The following AGTPBP1 variants were observed in gnomAD, a reference collection of about 807,000 sequenced individuals.
AGTPBP1 encodes ATP/GTP binding carboxypeptidase 1, also known as cytosolic carboxypeptidase 1.
A neutral mutation model predicts 143.9 loss-of-function variants in AGTPBP1; 70 were observed. That is an observed-to-expected ratio of 0.49 (90% CI 0.40 to 0.59). The LOEUF (loss-of-function observed/expected upper bound fraction) is 0.59, where lower values mean the gene tolerates loss of function less well. AGTPBP1 is among the 20% of genes least tolerant of loss of function. AGTPBP1 has a pLI of 0.00. For synonymous variants in AGTPBP1, 463 were observed against 500.2 expected, an observed-to-expected ratio of 0.93 and a Z score of 0.99; for missense variants, 1,229 against 1,464.5, an observed-to-expected ratio of 0.84 and a Z score of 2.62.
At chr9:85,782,672 A>G in the AGTPBP1 span, among the ~76,000 whole-genome samples, 2 of 152,210 alleles carry the variant, frequency 1.3e-5, no homozygotes, top group Non-Finnish European at 2.9e-5. Context: ...TGACTTAAGG[A>G]CAGAACAGTA....
At chr9:85,621,685 A>AT (rs2133561317) in intron 14 of AGTPBP1, among the ~76,000 whole-genome samples, 1 of 152,294 alleles carries the variant, frequency 6.6e-6, no homozygotes, top group South Asian at 2.1e-4. Flanking sequence ...TATAAGAATA[A>AT]TTTTTTTAAA....
intron 25 of AGTPBP1, among the ~76,000 whole-genome samples, chr9:85,573,716 C>G (rs908309220): frequency 3.3e-5 from 5 of 151,876 alleles, no homozygotes; most frequent in Non-Finnish European, 7.4e-5. Context: ...TCTGCCCGGC[C>G]GCCCATCATC....
intron 10 of AGTPBP1, among the ~76,000 whole-genome samples, chr9:85,656,274 G>A (rs1833505403): frequency 6.6e-6 from 1 of 152,144 alleles, no homozygotes; most frequent in Non-Finnish European, 1.5e-5. Context: ...CACTGTAAAA[G>A]TTTCCATATA....
chr9:85,573,820 T>C (rs1222490346), intron 25 of AGTPBP1, among the ~76,000 whole-genome samples: 2 of 142,688 alleles, frequency 1.4e-5, no homozygotes, highest in East Asian at 4.2e-4. Flanking sequence ...GTGAGGAGCG[T>C]CTCTGCCCGG....
At chr9:85,639,427 T>C (rs919539125) in intron 13 of AGTPBP1, among the ~76,000 whole-genome samples, 2 of 151,390 alleles carry the variant, frequency 1.3e-5, no homozygotes, top group African/African-American at 2.4e-5. Flanking sequence ...TGAAAATTAC[T>C]GGACATCTCC....
intron 25 of AGTPBP1, among the ~76,000 whole-genome samples, chr9:85,558,243 C>T (rs549357350): frequency 5.7e-4 from 87 of 152,308 alleles, no homozygotes; most frequent in African/African-American, 2.0e-3. Flanking sequence ...ATGAAGGTCA[C>T]ATATTGTATG....
chr9:85,749,454 C>G, the AGTPBP1 span, among the ~76,000 whole-genome samples: 199 of 152,142 alleles, frequency 1.3e-3, 1 homozygote, highest in African/African-American at 4.0e-3. Context: ...GCTTACAGTC[C>G]TAAAGGATAT....
chr9:85,723,288 T>C (rs62570611), intron 1 of AGTPBP1, among the ~76,000 whole-genome samples: 2,254 of 152,320 alleles, frequency 0.015, 24 homozygotes, highest in Middle Eastern at 0.037. Flanking sequence ...AGAAGTGGAA[T>C]CTAGAAAGGC....
At chr9:85,642,669 A>G (rs765099880) in intron 13 of AGTPBP1, among the ~76,000 whole-genome samples, 158 bp downstream of exon 13, 37 of 152,284 alleles carry the variant, frequency 2.4e-4, no homozygotes, top group Admixed American at 4.6e-4. Context: ...ACTGCAGCTC[A>G]GGATATTGAC....
chr9:85,789,337 A>G, the AGTPBP1 span, among the ~76,000 whole-genome samples: 1 of 152,192 alleles, frequency 6.6e-6, no homozygotes, highest in Non-Finnish European at 1.5e-5. Flanking sequence ...ATTTTTTTAC[A>G]TATACTAAAT....
upstream of AGTPBP1, chr9:85,742,148 G>A (rs993999167): frequency 7.1e-6 from 5 of 707,018 alleles, no homozygotes; most frequent in Non-Finnish European, 9.3e-6. Context: ...CGCGCCTGAC[G>A]GGAGGGAGCG....
chr9:85,601,803 T>A (rs1395597124), intron 17 of AGTPBP1, among the ~76,000 whole-genome samples: 1 of 152,208 alleles, frequency 6.6e-6, no homozygotes. Context: ...ATCTTTGGCC[T>A]GCTGTTGCCA....
At chr9:85,607,234 G>C (rs1236644660) in intron 17 of AGTPBP1, among the ~76,000 whole-genome samples, 1 of 152,016 alleles carries the variant, frequency 6.6e-6, no homozygotes, top group African/African-American at 2.4e-5. Flanking sequence ...AAAGGTTCAA[G>C]TTAAGGTCAA....
intron 13 of AGTPBP1, among the ~76,000 whole-genome samples, chr9:85,634,187 C>T (rs11141045): frequency 0.24 from 31,277 of 128,450 alleles, 4,254 homozygotes; most frequent in East Asian, 0.53. Flanking sequence ...AAGTGAGACT[C>T]TCTCTCAAAA....
intron 14 of AGTPBP1, among the ~76,000 whole-genome samples, chr9:85,625,843 C>G (rs1428163847): frequency 2.7e-5 from 4 of 149,970 alleles, no homozygotes; most frequent in Non-Finnish European, 4.4e-5. Flanking sequence ...CAAGATCGTG[C>G]CACTGCACTC....
chr9:85,576,357 A>G (rs1827900784), intron 24 of AGTPBP1, among the ~76,000 whole-genome samples: 1 of 152,162 alleles, frequency 6.6e-6, no homozygotes. Flanking sequence ...GTGAGTTCCT[A>G]TGGCACACGG....
At position 85,567,565 on chromosome 9, in the gene AGTPBP1, A is replaced by T. The variant is rs7859744; in HGVS notation, c.3503+7750T>A. 5.1e-3 allele frequency among the ~76,000 whole-genome samples: 781 copies of T among 152,202 alleles called. 10 individuals carry two copies. Among genetic ancestry groups the T allele is most frequent in the Admixed American group, 9.2e-3 (141 of 15,296 alleles). ...CGAGATCGCGCCACTGTACTCAAGT[A>T]TGGGTGACACAATGAGACCCTGTCT... On this transcript the variant is annotated intron_variant, in intron 25 of 25. Coordinates refer to ENST00000357081, the MANE Select transcript of AGTPBP1 (RefSeq NM_001330701.2).
chr9:85,749,240 C>T, the AGTPBP1 span, among the ~76,000 whole-genome samples: 3 of 152,040 alleles, frequency 2.0e-5, no homozygotes, highest in African/African-American at 7.2e-5. Context: ...AGTGATCCTC[C>T]TGCCTCAGCC....
chr9:85,634,229 A>C, intron 13 of AGTPBP1, among the ~76,000 whole-genome samples: 1 of 150,368 alleles, frequency 6.7e-6, no homozygotes, highest in African/African-American at 2.4e-5. Flanking sequence ...AGGACAGGAC[A>C]GGCAGGATGT....
Sources: allele counts gnomAD v4.1 joint callset (sites outside exome capture counted in the v4.1 genomes callset), GRCh38; gene constraint gnomAD v4.1.1; transcripts MANE v1.5; gene names NCBI Gene and HGNC (gene_info 2026-07-23, HGNC 2026-07-21).